CMSS1: variants seen among roughly 807,000 people sequenced by gnomAD.
The protein encoded by CMSS1 is protein CMSS1.
Under a neutral mutation model 43.5 loss-of-function variants are expected in CMSS1, and 33 were observed. The ratio of observed to expected loss-of-function variants is 0.76; its 90% confidence interval spans 0.57 to 1.01. CMSS1 has a LOEUF of 1.01. Among genes scored for constraint, CMSS1 ranks in the 50% least tolerant of loss-of-function variants. CMSS1 has a pLI of 0.00. For synonymous variants in CMSS1, 115 were observed against 117.2 expected (o/e 0.98, Z 0.12); for missense variants, 313 against 326.4 (o/e 0.96, Z 0.32).
intron 1 of CMSS1, among the ~76,000 whole-genome samples, chr3:99,832,705 G>A (rs1180701562): frequency 8.3e-6 from 1 of 119,926 alleles, no homozygotes; most frequent in Non-Finnish European, 1.7e-5. Flanking sequence ...GCCGGGCGTC[G>A]TGGCGCACTC....
intron 1 of CMSS1, among the ~76,000 whole-genome samples, chr3:99,918,690 T>C (rs1707031962): frequency 6.6e-6 from 1 of 152,196 alleles, no homozygotes; most frequent in Admixed American, 6.5e-5. Flanking sequence ...AATGGTTTTT[T>C]AGTACCCACA....
intron 1 of CMSS1, among the ~76,000 whole-genome samples, chr3:99,907,919 C>T (rs1706673570): frequency 6.6e-6 from 1 of 152,114 alleles, no homozygotes; most frequent in Non-Finnish European, 1.5e-5. Context: ...CAGTGCCTGG[C>T]ACATGGAAGG....
At chr3:100,047,412 C>A (rs78321452) in intron 1 of CMSS1, among the ~76,000 whole-genome samples, 1 of 152,262 alleles carries the variant, frequency 6.6e-6, no homozygotes, top group East Asian at 1.9e-4. Flanking sequence ...TTCTGGAAAG[C>A]TTTTATGACT....
At chr3:100,021,958 TGTGA>T (rs1256486820) in intron 1 of CMSS1, among the ~76,000 whole-genome samples, 20 of 94,918 alleles carry the variant, frequency 2.1e-4, no homozygotes, top group African/African-American at 4.1e-4. Flanking sequence ...TGTGTGTGTG[TGTGA>T]GAGAGAGAGA....
At chr3:100,059,751 A>T (rs1355564921) in intron 1 of CMSS1, among the ~76,000 whole-genome samples, 1 of 152,130 alleles carries the variant, frequency 6.6e-6, no homozygotes, top group Non-Finnish European at 1.5e-5. Context: ...CCGGCCTAGA[A>T]TTGTCAGAGC....
chr3:100,074,730 G>C (rs1472593394), intron 1 of CMSS1, among the ~76,000 whole-genome samples: 3 of 80,286 alleles, frequency 3.7e-5, no homozygotes, highest in Non-Finnish European at 6.7e-5. Context: ...GTCTCACTCT[G>C]TTGTCCAGGC....
chr3:100,099,968 C>T (rs1357889996), intron 1 of CMSS1, among the ~76,000 whole-genome samples: 3 of 152,090 alleles, frequency 2.0e-5, no homozygotes, highest in African/African-American at 7.2e-5. Context: ...TTGAGACTAA[C>T]CACAACTGGG....
intron 1 of CMSS1, among the ~76,000 whole-genome samples, chr3:99,830,860 C>G (rs902285579): frequency 6.6e-6 from 1 of 152,220 alleles, no homozygotes; most frequent in Admixed American, 6.5e-5. Context: ...ATTTGGCAAT[C>G]ACGGTGTAGT....
chr3:100,155,012 GTAT>G (rs1471013258), intron 2 of CMSS1, among the ~76,000 whole-genome samples: 3 of 152,064 alleles, frequency 2.0e-5, no homozygotes, highest in Non-Finnish European at 2.9e-5. Flanking sequence ...AAATCAAACA[GTAT>G]TACTTATTTA....
intron 1 of CMSS1, among the ~76,000 whole-genome samples, chr3:99,884,713 C>T (rs1033618264): frequency 4.6e-5 from 7 of 152,164 alleles, no homozygotes; most frequent in African/African-American, 7.2e-5. Flanking sequence ...CAATCATGTG[C>T]GAACTACTCC....
chr3:100,047,848 A>AT (rs1268272661), intron 1 of CMSS1, among the ~76,000 whole-genome samples: 2 of 152,134 alleles, frequency 1.3e-5, no homozygotes, highest in Non-Finnish European at 1.5e-5. Flanking sequence ...AAAGGAAGGC[A>AT]TTTTTGGTTG....
At chr3:99,868,556 A>C (rs1944634054) in intron 1 of CMSS1, among the ~76,000 whole-genome samples, 1 of 152,212 alleles carries the variant, frequency 6.6e-6, no homozygotes, top group Non-Finnish European at 1.5e-5. Flanking sequence ...TTTAAGCTTC[A>C]GGTTAAGAAG....
chr3:99,850,105 T>G, intron 1 of CMSS1: 1 of 1,613,196 alleles, frequency 6.2e-7, no homozygotes, highest in Non-Finnish European at 8.5e-7. Flanking sequence ...CACTTGAAGC[T>G]GAGAAGAAGC....
At chr3:100,052,391 C>G (rs1400284151) in intron 1 of CMSS1, among the ~76,000 whole-genome samples, 5 of 152,156 alleles carry the variant, frequency 3.3e-5, no homozygotes, top group African/African-American at 9.7e-5. Context: ...GTTCCAAGGT[C>G]TGAGGGGTAG....
chr3:100,033,146 G>T (rs1455727934), intron 1 of CMSS1, among the ~76,000 whole-genome samples: 1 of 152,012 alleles, frequency 6.6e-6, no homozygotes, highest in Admixed American at 6.6e-5. Context: ...TTACTCTGTG[G>T]TTACTGTATG....
Position 99,826,188 on chromosome 3 carries a change from C to G in CMSS1, c.64+8145C>G, listed in dbSNP as rs1942533185. On this transcript the variant is annotated intron_variant, in intron 1 of 9. Transcript: ENST00000421999. ...TATATCACAGCTTGAAATATAGTTT[C>G]CCCATTTTTATCAGCTTTCATAGAA... Among the ~76,000 whole-genome samples, 3 of 151,982 alleles carry G rather than the reference C, an allele frequency of 2.0e-5. No homozygotes were observed. The South Asian group carries it at 6.2e-4, about 32-fold the overall frequency.
intron 9 of CMSS1, among the ~76,000 whole-genome samples, chr3:100,176,656 C>T (rs2067150851): frequency 2.0e-5 from 3 of 152,160 alleles, no homozygotes; most frequent in Admixed American, 2.0e-4. Context: ...GACCAATGGC[C>T]TCTCCTCACT....
intron 1 of CMSS1, among the ~76,000 whole-genome samples, chr3:99,981,193 C>G (rs1411756456): frequency 1.3e-5 from 2 of 152,194 alleles, no homozygotes; most frequent in African/African-American, 4.8e-5. Context: ...TGACACCTGA[C>G]TTTTGTTATT....
intron 1 of CMSS1, among the ~76,000 whole-genome samples, chr3:99,951,684 C>G (rs1371716292): frequency 1.3e-5 from 2 of 152,202 alleles, no homozygotes; most frequent in Non-Finnish European, 2.9e-5. Context: ...CACCTTATGT[C>G]TCTTCCCTAA....
Sources: gnomAD v4.1 joint callset for allele counts (sites outside exome capture counted in the v4.1 genomes callset) on GRCh38, gnomAD v4.1.1 for gene constraint, MANE v1.5 for transcripts, NCBI Gene and HGNC (gene_info 2026-07-23, HGNC 2026-07-21) for gene names.